Variants in CRLF1 observed in about 807,000 individuals in gnomAD.
CRLF1 encodes the protein cytokine receptor like factor 1.
A neutral mutation model predicts 48.9 loss-of-function variants in CRLF1; 36 were observed. The observed-to-expected ratio is 0.74, with a 90% CI of 0.56 to 0.97. The LOEUF (loss-of-function observed/expected upper bound fraction) is 0.97. Ranked by LOEUF, CRLF1 falls within the 50% of genes least tolerant of loss-of-function variation. The pLI, the probability that CRLF1 is intolerant of heterozygous loss-of-function variation, is 0.00. For missense variants in CRLF1, 534 were observed against 575.1 expected, an observed-to-expected ratio of 0.93 and a Z score of 0.73; for synonymous variants, 256 against 253.4, an observed-to-expected ratio of 1.01 and a Z score of -0.10.
rs758469818 is a variant in CRLF1, at chr19:18,598,845, T to C, written c.454A>G (p.Thr152Ala). The change falls in exon 3 of 9, where the codon ACC becomes GCC. Residue 152 changes from threonine (T) to alanine (A), a missense_variant. By Grantham distance (58) the Thr-to-Ala change is moderately conservative. This residue lies in a region of CRLF1 where 528 missense variants were observed against 555.7 expected (regional missense o/e 0.95). Coordinates refer to ENST00000392386, the MANE Select transcript of CRLF1 (RefSeq NM_004750.5). ...TGGGCCCCTGGCGTCCAGCGGCAGGTCAAGTCCTTCATGTTCTTGGACCAG... is the reference window on the plus strand; with the variant it reads ...TGGGCCCCTGGCGTCCAGCGGCAGGCCAAGTCCTTCATGTTCTTGGACCAG... Reference protein sequence around the residue: ...SCWSKNMKDLTCRWTPGAHGE... With the variant: ...SCWSKNMKDLACRWTPGAHGE... The C allele has an allele frequency of 1.2e-6, 2 of 1,607,474 alleles. No homozygotes were observed. The highest frequency in any genetic ancestry group is 1.7e-6 in the Non-Finnish European group (2 of 1,177,980).
At chr19:18,604,385 G>A (rs1264793964) in intron 1 of CRLF1, among the ~76,000 whole-genome samples, 2 of 152,214 alleles carry the variant, frequency 1.3e-5, no homozygotes, top group Non-Finnish European at 2.9e-5. Flanking sequence ...CTCCTCCCGG[G>A]ATATGGGCGC....
chr19:18,594,030 G>GCGGGGGGGCCCCCCCCCCCC, intron 8 of CRLF1, 35 bp downstream of exon 8: 5 of 1,315,306 alleles, frequency 3.8e-6, no homozygotes, highest in Non-Finnish European at 4.2e-6. Flanking sequence ...CCCTCCCCTT[G>GCGGGGGGGCCCCCCCCCCCC]CTCCCTCCCG....
At chr19:18,603,897 C>CGGGGGGG (rs1201592679) in intron 1 of CRLF1, among the ~76,000 whole-genome samples, 1 of 3,092 alleles carries the variant, frequency 3.2e-4, no homozygotes, top group African/African-American at 1.4e-3. Context: ...CCGAGGGGGG[C>CGGGGGGG]GGGGGGCTGG....
rs765610119 is a variant in CRLF1, at chr19:18,597,431, C to CTTTTTTTTTTTTTTTTT, written c.698-383_698-382insAAAAAAAAAAAAAAAAA. 4.5e-4 allele frequency among the ~76,000 whole-genome samples: 37 copies of CTTTTTTTTTTTTTTTTT among 81,622 alleles called. 9 individuals carry two copies. The highest frequency in any genetic ancestry group is 1.3e-3 in the African/African-American group (20 of 15,292). The allele number at this position is 81,622 out of a possible 152,430, so 53.5% of individuals were successfully genotyped here. A position where few individuals can be genotyped will look rare whatever the true frequency, so the allele number is the denominator to read the frequency against. On this transcript the variant is annotated intron_variant, in intron 4 of 8. Transcript: ENST00000392386. Reference sequence around the variant, plus strand: ...TCCCCACTCACACCTCCCTTCCACTCTTTTTTTTTTTTTTTTGAGACGGAG... The same window carrying CTTTTTTTTTTTTTTTTT: ...TCCCCACTCACACCTCCCTTCCACTCTTTTTTTTTTTTTTTTTTTTTTTTTTTTTTTTTGAGACGGAG...
At position 18,597,011 on chromosome 19, in the gene CRLF1, C is replaced by T. The variant is rs772375122; in HGVS notation, c.736G>A (p.Val246Ile). The change falls in exon 5 of 9, where the codon GTC (valine) becomes ATC (isoleucine). Residue 246 changes from valine to isoleucine, a missense_variant. By Grantham distance (29) the Val-to-Ile change is conservative. Around this residue, in one of 2 missense-constraint regions of CRLF1, gnomAD observed 528 missense variants for 555.7 expected, o/e 0.95. Transcript: ENST00000392386. The part of the protein sequence containing the change: ...DPPPDVHVSR[V>I]GGLEDQLSVR... ...CTCAGCTGGTCCTCCAGGCCCCCGA[C>T]GCGGCTCACGTGCACGTCGGGCGGG... 1.3e-5 allele frequency: 21 copies of T among 1,613,260 alleles called. No homozygotes were observed. The highest frequency in any genetic ancestry group is 1.1e-4 in the East Asian group (5 of 44,868).
intron 1 of CRLF1, among the ~76,000 whole-genome samples, chr19:18,604,107 ACTC>A (rs1568443087): frequency 6.6e-6 from 1 of 151,538 alleles, no homozygotes; most frequent in Non-Finnish European, 1.5e-5. Flanking sequence ...AGTGGGTCTC[ACTC>A]CTCCTGCCCC....
chr19:18,599,006 G>A (rs914405258), intron 2 of CRLF1, 105 bp from the exon 3 acceptor site: 21 of 1,564,304 alleles, frequency 1.3e-5, no homozygotes, highest in Non-Finnish European at 1.6e-5. Context: ...TGGAGTGGAA[G>A]GAGGGCAGAC....
intron 4 of CRLF1, 110 bp from the exon 5 acceptor site, chr19:18,597,159 C>T (rs2145329919): frequency 3.4e-6 from 4 of 1,179,370 alleles, no homozygotes; most frequent in African/African-American, 3.1e-5. Context: ...CTGTTTTCCT[C>T]CTCTTCCCTC....
At position 18,606,075 on chromosome 19, in the gene CRLF1, C is replaced by T. The variant is rs1394266276; in HGVS notation, c.115+467G>A. On this transcript the variant is annotated intron_variant, in intron 1 of 8. Transcript: ENST00000392386. The surrounding 1 kb of genome is among the most constrained non-coding windows in gnomAD (Gnocchi z 4.8). The stretch of plus-strand genomic sequence containing the variant: ...CGGGCTGCGCGCCAGGCGGCCAGAG[C>T]GGCCCCCCTGCAGCCCCGCCCTCCC... 2.0e-5 allele frequency among the ~76,000 whole-genome samples: 3 copies of T among 151,676 alleles called. No homozygotes were observed. Among genetic ancestry groups the T allele is most frequent in the African/African-American group, 7.3e-5 (3 of 41,340 alleles).
intron 1 of CRLF1, among the ~76,000 whole-genome samples, chr19:18,601,650 C>T (rs1156976138): frequency 5.9e-5 from 9 of 151,880 alleles, no homozygotes; most frequent in African/African-American, 7.3e-5. Context: ...GTGATCCACT[C>T]GCCTCAGCCT....
rs979870655 is a variant in CRLF1 at position 18,606,442 on chromosome 19, C to A, written c.115+100G>T. ...GGGGGCGCCTTCCTTTGTTCCCCGGCCGTCCAGGTGGCGCCCGCGCCCCCT... is the reference window on the plus strand; with the variant it reads ...GGGGGCGCCTTCCTTTGTTCCCCGGACGTCCAGGTGGCGCCCGCGCCCCCT... On this transcript the variant is annotated intron_variant, in intron 1 of 8. Coordinates refer to ENST00000392386, the MANE Select transcript of CRLF1 (RefSeq NM_004750.5). The surrounding 1 kb of genome is among the most constrained non-coding windows in gnomAD (Gnocchi z 4.8). 18 of 926,632 alleles carry A rather than the reference C, an allele frequency of 1.9e-5. No homozygotes were observed. The highest frequency in any genetic ancestry group is 5.1e-5 in the South Asian group (1 of 19,740). The allele number at this position is 926,632 out of a possible 1,614,324, so 57.4% of individuals were successfully genotyped here.
rs1976296107 is a variant in CRLF1 at position 18,606,372 on chromosome 19, CG to C, written c.115+169del. Reference sequence around the variant, plus strand: ...GCAGGACTCTCTGGACAGTGGACTGCGGCGCCGTGTGCCCCGCAGGTGAGGG... The same window carrying C: ...GCAGGACTCTCTGGACAGTGGACTGCGCGCCGTGTGCCCCGCAGGTGAGGG... On this transcript the variant is annotated intron_variant, in intron 1 of 8. Transcript: ENST00000392386. This position sits in a 1 kb window ranked among gnomAD's most constrained non-coding sequence, Gnocchi z 4.8. Among the ~76,000 whole-genome samples the C allele has an allele frequency of 6.6e-6, 1 of 150,976 alleles. No individual in the cohort carries two copies. Among genetic ancestry groups the C allele is most frequent in the Admixed American group, 6.6e-5 (1 of 15,202 alleles).
chr19:18,595,216 T>C (rs1407059541), intron 6 of CRLF1, among the ~76,000 whole-genome samples: 5 of 152,174 alleles, frequency 3.3e-5, no homozygotes, highest in Admixed American at 2.0e-4. Context: ...CTGCTGGCCT[T>C]CCCCGGCCTC....
Position 18,593,522 on chromosome 19 carries a change from C to T in CRLF1, c.*44G>A. 2 of 1,608,302 alleles carry T rather than the reference C, an allele frequency of 1.2e-6. No individual in the cohort carries two copies. The highest frequency in any genetic ancestry group is 1.7e-6 in the Non-Finnish European group (2 of 1,177,872). ...GGTGGCCCCAGTTTGGGTTCGGCCT[C>T]TGCGTCTCCACGTGGCAGGGAGGGT... is the stretch of plus-strand genomic sequence containing the variant. On this transcript the variant is annotated 3_prime_UTR_variant, in exon 9 of 9. Coordinates refer to ENST00000392386, the MANE Select transcript of CRLF1 (RefSeq NM_004750.5).
At chr19:18,603,045 G>A (rs1976240039) in intron 1 of CRLF1, among the ~76,000 whole-genome samples, 1 of 152,186 alleles carries the variant, frequency 6.6e-6, no homozygotes, top group African/African-American at 2.4e-5. Flanking sequence ...CTGGAAAGGG[G>A]CTTCTCGTTC....
At chr19:18,594,160 C>G in intron 7 of CRLF1, 53 bp from the exon 8 acceptor site, 3 of 1,593,708 alleles carry the variant, frequency 1.9e-6, no homozygotes, top group Non-Finnish European at 2.6e-6. Flanking sequence ...CCTGCGTCCA[C>G]AGCCTGCTGT....
chr19:18,597,027 G>C lies in CRLF1; in HGVS notation c.720C>G (p.Asp240Glu). The change falls in exon 5 of 9, where the codon GAC becomes GAG. Residue 240 changes from aspartate to glutamate, a missense_variant. Physicochemically the swap from Asp to Glu is conservative, Grantham distance 45 (BLOSUM62 2). This residue lies in a region of CRLF1 where 528 missense variants were observed against 555.7 expected (regional missense o/e 0.95). Transcript: ENST00000392386. ...GGCCCCCGACGCGGCTCACGTGCAC[G>C]TCGGGCGGGGGGTCCGTGGTCACTG... ...LDVVTTDPPP[D>E]VHVSRVGGLE... 6.2e-7 allele frequency: 1 copy of C among 1,612,782 alleles called. No individual in the cohort carries two copies. The highest frequency in any genetic ancestry group is 2.2e-5 in the East Asian group (1 of 44,832).
At position 18,606,718 on chromosome 19, in the gene CRLF1, G is replaced by A. The variant is rs985871392; in HGVS notation, c.-62C>T. 1.6e-4 allele frequency: 36 copies of A among 224,228 alleles called. No homozygotes were observed. The highest frequency in any genetic ancestry group is 8.3e-4 in the African/African-American group (35 of 41,970). 13.9% of individuals were successfully genotyped at this position (224,228 alleles called of 1,614,324 possible). On this transcript the variant is annotated 5_prime_UTR_variant, in exon 1 of 9. Transcript: ENST00000392386. The surrounding 1 kb of genome is among the most constrained non-coding windows in gnomAD (Gnocchi z 4.8). Reference sequence around the variant, plus strand: ...GCTCGGCGGCGGTGGCGCAGGGCGCGGGACGCAGGCCGGGCGCGGGAGGGC... The same window carrying A: ...GCTCGGCGGCGGTGGCGCAGGGCGCAGGACGCAGGCCGGGCGCGGGAGGGC...
chr19:18,595,569 G>A (rs1001687828), intron 6 of CRLF1, among the ~76,000 whole-genome samples: 1 of 152,198 alleles, frequency 6.6e-6, no homozygotes, highest in Non-Finnish European at 1.5e-5. Flanking sequence ...AACCCTGGGG[G>A]GATGGGACAA....
Sources: gnomAD v4.1 joint callset for allele counts (sites outside exome capture counted in the v4.1 genomes callset) on GRCh38, gnomAD v4.1.1 for gene constraint, gnomAD v4.1.1 regional missense constraint, Gnocchi (gnomAD v3.1) non-coding constraint, MANE v1.5 for transcripts, NCBI Gene and HGNC (gene_info 2026-07-23, HGNC 2026-07-21) for gene names.